SLC5A5: variants seen among roughly 807,000 people sequenced by gnomAD.
SLC5A5 encodes the protein solute carrier family 5 member 5, also known as sodium/iodide cotransporter.
In SLC5A5, 56 loss-of-function variants were observed where a neutral mutation model predicts 68.6. The observed-to-expected ratio is 0.82, with a 90% CI of 0.66 to 1.02. SLC5A5 has a LOEUF of 1.02. SLC5A5 is among the 50% of genes least tolerant of loss of function. The pLI is 0.00. For missense variants in SLC5A5, 807 were observed against 859.8 expected (o/e 0.94, Z 0.77); for synonymous variants, 398 against 373.0 (o/e 1.07, Z -0.77).
chr19:17,872,885 G>C (rs2094297822), intron 1 of SLC5A5, among the ~76,000 whole-genome samples: 2 of 152,202 alleles, frequency 1.3e-5, no homozygotes, highest in South Asian at 4.1e-4. Context: ...GAGGAAGAGA[G>C]AGCCTGGCGT....
Position 17,894,959 on chromosome 19 carries a change from GGAA to G in SLC5A5, c.*1085_*1087del, listed in dbSNP as rs1350211354. 1 of 152,106 alleles carries G rather than the reference GGAA, an allele frequency of 6.6e-6. No homozygotes were observed. Among genetic ancestry groups the G allele is most frequent in the Non-Finnish European group, 1.5e-5 (1 of 68,054 alleles). 9.4% of individuals were successfully genotyped at this position (152,106 alleles called of 1,614,324 possible). A position where few individuals can be genotyped will look rare whatever the true frequency, so the allele number is the denominator to read the frequency against. On this transcript the variant is annotated 3_prime_UTR_variant, in exon 15 of 15. Transcript: ENST00000222248. ...AGAAGAGATGCAGAGAAACACATGG[GGAA>G]GATGCCACGTGAAGACAGAGGCAGT...
intron 7 of SLC5A5, 124 bp from the exon 8 acceptor site, chr19:17,880,741 A>G (rs1354359585): frequency 8.0e-6 from 6 of 751,230 alleles, no homozygotes; most frequent in African/African-American, 1.7e-5. Flanking sequence ...AACTAAATGC[A>G]TATTAAATGC....
chr19:17,875,531 G>A (rs2094304691), intron 4 of SLC5A5, among the ~76,000 whole-genome samples: 1 of 151,970 alleles, frequency 6.6e-6, no homozygotes, highest in Non-Finnish European at 1.5e-5. Flanking sequence ...GAGAGGCCAA[G>A]GTAGGAGGAT....
In SLC5A5 at chr19:17,888,454, A is replaced by G; in HGVS notation, c.1650A>G (p.Thr550=). The change falls in exon 13 of 15, where the codon ACA becomes ACG. Residue 550 remains threonine (T), a splice_region_variant and synonymous_variant. Coordinates refer to ENST00000222248, the MANE Select transcript of SLC5A5 (RefSeq NM_000453.3). ...GCGGAGCCCTCATCAGCTGCCTGAC[A>G]GGTAGGTAAACAGAGCATGTGGCCT... The part of the protein sequence containing the change: ...VLCGALISCL[T]GPTKRSTLAP... 5 of 1,613,734 alleles carry G rather than the reference A, an allele frequency of 3.1e-6. No individual in the cohort carries two copies. The highest frequency in any genetic ancestry group is 3.4e-6 in the Non-Finnish European group (4 of 1,179,968).
Position 17,877,925 on chromosome 19 carries a change from G to A in SLC5A5, c.840-39G>A, listed in dbSNP as rs1396062414. 2.5e-6 allele frequency: 4 copies of A among 1,613,712 alleles called. No individual in the cohort carries two copies. In the African/African-American group the frequency reaches 4.0e-5, roughly 16 times the overall value. On this transcript the variant is annotated intron_variant, in intron 6 of 14. Transcript: ENST00000222248. ...ACATGCTGCCCCCCTCCACCAGCCT[G>A]AGGCTATCCCCTAAGCCTGAGGCTG...
In SLC5A5 at chr19:17,874,265, G is replaced by A. The variant is rs2094301279; in HGVS notation, c.423+62G>A. 1.2e-5 allele frequency: 15 copies of A among 1,238,998 alleles called. No individual in the cohort carries two copies. The South Asian group carries it at 1.7e-4, about 14-fold the overall frequency. The allele number at this position is 1,238,998 out of a possible 1,614,324, so 76.8% of individuals were successfully genotyped here. On this transcript the variant is annotated intron_variant, in intron 2 of 14. Transcript: ENST00000222248. ...CGAGAGCGTCAGCCTTCACTAGCCC[G>A]GCCCCCACCATTCAAGACCCCGCCC...
rs1041573772 is a variant in SLC5A5 at position 17,877,820 on chromosome 19, G to T, written c.796G>T (p.Val266Leu). 1 of 1,614,098 alleles carries T rather than the reference G, an allele frequency of 6.2e-7. No individual in the cohort carries two copies. The highest frequency in any genetic ancestry group is 1.7e-5 in the Admixed American group (1 of 59,998). ...CATGTATGGCGTGAACCAGGCGCAGGTGCAGCGCTACGTGGCTTGCCGCAC... is the reference window on the plus strand; with the variant it reads ...CATGTATGGCGTGAACCAGGCGCAGTTGCAGCGCTACGTGGCTTGCCGCAC... The part of the protein sequence containing the change: ...LSMYGVNQAQ[V>L]QRYVACRTEK... Residue 266 changes from valine (V) to leucine (L), a missense_variant, in exon 6 of 15, where the codon GTG becomes TTG. Physicochemically the swap from Val to Leu is conservative, Grantham distance 32. Coordinates refer to ENST00000222248, the MANE Select transcript of SLC5A5 (RefSeq NM_000453.3).
chr19:17,889,703 ATT>A (rs1371233908), intron 13 of SLC5A5, among the ~76,000 whole-genome samples: 3 of 152,154 alleles, frequency 2.0e-5, no homozygotes, highest in African/African-American at 7.2e-5. Flanking sequence ...AGCTTGCCCT[ATT>A]TTGCAGAGGC....
At chr19:17,880,461 C>T (rs906505955) in intron 7 of SLC5A5, among the ~76,000 whole-genome samples, 7 of 152,202 alleles carry the variant, frequency 4.6e-5, no homozygotes, top group Admixed American at 1.3e-4. Flanking sequence ...GTGATCCACC[C>T]GCCTCGGCCT....
Position 17,893,828 on chromosome 19 carries a change from C to A in SLC5A5, c.1883C>A (p.Pro628His). 6.3e-7 allele frequency: 1 copy of A among 1,597,546 alleles called. No individual in the cohort carries two copies. The highest frequency in any genetic ancestry group is 8.5e-7 in the Non-Finnish European group (1 of 1,170,718). ...CTGGAGGGGGCTGGCTCTTGGACCC[C>A]CTGTGTTGGACATGATGGTGGTCGA... is the stretch of plus-strand genomic sequence containing the variant. ...KELEGAGSWT[P>H]CVGHDGGRDQ... is the part of the protein sequence containing the mutation. The change falls in exon 15 of 15, where the codon CCC becomes CAC. Residue 628 changes from proline to histidine, a missense_variant. Transcript: ENST00000222248.
Position 17,880,863 on chromosome 19 carries a change from AGTACATGCCTCT to A in SLC5A5, c.970_981del (p.Tyr324_Leu327del). 1.2e-6 allele frequency: 2 copies of A among 1,612,684 alleles called. No homozygotes were observed. Among genetic ancestry groups the A allele is most frequent in the Non-Finnish European group, 1.7e-6 (2 of 1,179,276 alleles). On this transcript the variant is annotated splice_acceptor_variant and coding_sequence_variant, in exon 8 of 15. Transcript: ENST00000222248. ...GGGAGGCTGACCCCCAGTTCTCCCC[AGTACATGCCTCT>A]GCTGGTGCTGGACATCTTCGAAGAT...
intron 13 of SLC5A5, 46 bp downstream of exon 13, chr19:17,888,501 C>G: frequency 6.2e-7 from 1 of 1,609,920 alleles, no homozygotes; most frequent in Non-Finnish European, 8.5e-7. Context: ...CCATTCATCT[C>G]TCTGCCTCAA....
intron 1 of SLC5A5, among the ~76,000 whole-genome samples, chr19:17,872,991 C>G (rs998003409): frequency 2.0e-5 from 3 of 152,168 alleles, no homozygotes; most frequent in African/African-American, 7.2e-5. Context: ...CCTGCCCGGG[C>G]GTGCAGACCC....
intron 1 of SLC5A5, among the ~76,000 whole-genome samples, chr19:17,873,218 TG>T (rs1392731469): frequency 1.3e-5 from 2 of 152,142 alleles, no homozygotes; most frequent in Non-Finnish European, 2.9e-5. Context: ...CCCAGCACTT[TG>T]GGAGGCCAAA....
At chr19:17,884,427 G>A (rs1481838637) in intron 12 of SLC5A5, among the ~76,000 whole-genome samples, 1 of 150,340 alleles carries the variant, frequency 6.7e-6, no homozygotes, top group African/African-American at 2.5e-5. Flanking sequence ...GGGAGGCCCA[G>A]AATTTGGTTT....
intron 13 of SLC5A5, among the ~76,000 whole-genome samples, 153 bp downstream of exon 13, chr19:17,888,608 TATTATTATTATCATC>T (rs929839717): frequency 2.3e-4 from 32 of 140,624 alleles, no homozygotes; most frequent in African/African-American, 8.9e-4. Flanking sequence ...TTATTATTAT[TATTATTATTATCATC>T]ATCATCATCA....
Position 17,876,090 on chromosome 19 carries a change from C to T in SLC5A5, c.682C>T (p.Arg228Trp), listed in dbSNP as rs369347883. Residue 228 changes from arginine to tryptophan, a missense_variant, in exon 5 of 15, where the codon CGG becomes TGG. Physicochemically the swap from Arg to Trp is moderately radical, Grantham distance 101. Coordinates refer to ENST00000222248, the MANE Select transcript of SLC5A5 (RefSeq NM_000453.3). ...QVLTLAQNHSRINLMDFNPDP... is the reference protein window; with the variant it reads ...QVLTLAQNHSWINLMDFNPDP... Reference sequence around the variant, plus strand: ...GCTCACGCTGGCCCAGAACCACTCCCGGATCAACCTCATGGAGTGAGTGAA... The same window carrying T: ...GCTCACGCTGGCCCAGAACCACTCCTGGATCAACCTCATGGAGTGAGTGAA... 3.1e-6 allele frequency: 5 copies of T among 1,614,106 alleles called. No homozygotes were observed. The South Asian group carries it at 3.3e-5, about 11-fold the overall frequency.
chr19:17,872,485 G>A lies in SLC5A5; in HGVS notation c.166G>A (p.Ala56Thr). The A allele has an allele frequency of 6.2e-7, 1 of 1,611,860 alleles. No individual in the cohort carries two copies. Among genetic ancestry groups the A allele is most frequent in the Non-Finnish European group, 8.5e-7 (1 of 1,179,544 alleles). ...DFFTGGRRLA[A>T]LPVGLSLSAS... ...CTTCACCGGGGGCCGGCGCCTGGCG[G>A]CCCTGCCCGTGGGCCTGTCGCTGTC... is the stretch of plus-strand genomic sequence containing the variant. Residue 56 changes from alanine (A) to threonine (T), a missense_variant, in exon 1 of 15, where the codon GCC becomes ACC. Physicochemically the swap from Ala to Thr is moderately conservative, Grantham distance 58. Transcript: ENST00000222248.
chr19:17,874,243 G>C (rs758125169), intron 2 of SLC5A5, 40 bp downstream of exon 2: 2 of 1,455,210 alleles, frequency 1.4e-6, no homozygotes, highest in South Asian at 2.3e-5. Context: ...AGGGCCCCGA[G>C]AGCGTCAGCC....
Sources: gnomAD v4.1 joint callset for allele counts (sites outside exome capture counted in the v4.1 genomes callset) on GRCh38, gnomAD v4.1.1 for gene constraint, MANE v1.5 for transcripts, NCBI Gene and HGNC (gene_info 2026-07-23, HGNC 2026-07-21) for gene names.